The following FGF12 variants were observed in gnomAD, a reference collection of about 807,000 sequenced individuals.
The protein encoded by FGF12 is fibroblast growth factor 12, also known as fibroblast growth factor 12B.
FGF12 carries 14 observed loss-of-function variants against 23.6 expected under a neutral mutation model. That is an observed-to-expected ratio of 0.59 (90% CI 0.39 to 0.93). FGF12 has a LOEUF of 0.93. Ranked by LOEUF, FGF12 falls within the 40% of genes least tolerant of loss-of-function variation. FGF12 has a pLI of 0.00. For synonymous variants in FGF12, 62 were observed against 77.3 expected (o/e 0.80, Z 1.04); for missense variants, 175 against 217.8 (o/e 0.80, Z 1.24).
In FGF12 at chr3:192,727,307, C is replaced by T; in HGVS notation, c.-114G>A. On this transcript the variant is annotated 5_prime_UTR_variant, in exon 2 of 6. Coordinates refer to ENST00000445105, the MANE Select transcript of FGF12 (RefSeq NM_004113.6). Reference sequence around the variant, plus strand: ...CTGATGATTTCGCCCGTACTTCCTTCCTTCCCCTCAGGCTTCCTGAAAGAT... The same window carrying T: ...CTGATGATTTCGCCCGTACTTCCTTTCTTCCCCTCAGGCTTCCTGAAAGAT... 14 of 1,551,428 alleles carry T rather than the reference C, an allele frequency of 9.0e-6. No homozygotes were observed. The highest frequency in any genetic ancestry group is 1.7e-4 in the Middle Eastern group (1 of 5,994).
rs562297442 is a variant in FGF12 at position 192,142,293 on chromosome 3, A to G, written c.*1716T>C. Reference sequence around the variant, plus strand: ...AATAATGATTGTGTAAAGTGAGGGAAACTATATTGACCTTGAAATACGGCA... The same window carrying G: ...AATAATGATTGTGTAAAGTGAGGGAGACTATATTGACCTTGAAATACGGCA... On this transcript the variant is annotated 3_prime_UTR_variant, in exon 6 of 6. Coordinates refer to ENST00000445105, the MANE Select transcript of FGF12 (RefSeq NM_004113.6). 7 of 152,614 alleles carry G rather than the reference A, an allele frequency of 4.6e-5. No individual in the cohort carries two copies. In the East Asian group the frequency reaches 1.4e-3, roughly 29 times the overall value. 9.5% of individuals were successfully genotyped at this position (152,614 alleles called of 1,614,324 possible).
chr3:192,438,537 C>T (rs550276489), intron 2 of FGF12, among the ~76,000 whole-genome samples: 10 of 152,280 alleles, frequency 6.6e-5, no homozygotes, highest in Admixed American at 2.0e-4. Flanking sequence ...TCCTGCTCTT[C>T]GTATTTCCTG....
intron 2 of FGF12, among the ~76,000 whole-genome samples, chr3:192,578,598 A>G (rs1713009588): frequency 6.6e-6 from 1 of 152,216 alleles, no homozygotes; most frequent in South Asian, 2.1e-4. Context: ...ACCTAACCTC[A>G]GAGACACCCA....
At chr3:192,398,847 A>C (rs545880191) in intron 2 of FGF12, among the ~76,000 whole-genome samples, 1 of 152,284 alleles carries the variant, frequency 6.6e-6, no homozygotes, top group South Asian at 2.1e-4. Context: ...GGACCTCAGC[A>C]TCCTTAGGTG....
At chr3:192,494,707 C>A (rs1723895377) in intron 2 of FGF12, among the ~76,000 whole-genome samples, 1 of 152,036 alleles carries the variant, frequency 6.6e-6, no homozygotes, top group South Asian at 2.1e-4. Context: ...CATTCTATTC[C>A]TTCTCTCATT....
intron 2 of FGF12, among the ~76,000 whole-genome samples, chr3:192,670,069 C>G (rs1452343894): frequency 6.6e-6 from 1 of 152,144 alleles, no homozygotes; most frequent in Non-Finnish European, 1.5e-5. Flanking sequence ...AAATATTCCT[C>G]CATTTTCCAA....
chr3:192,479,854 C>A (rs1213857299), intron 2 of FGF12, among the ~76,000 whole-genome samples: 1 of 152,038 alleles, frequency 6.6e-6, no homozygotes, highest in Non-Finnish European at 1.5e-5. Context: ...AATAAGATTA[C>A]AGGTAATGAA....
In FGF12 at chr3:192,139,665, A is replaced by C. The variant is rs1183255509; in HGVS notation, c.*4344T>G. On this transcript the variant is annotated 3_prime_UTR_variant, in exon 6 of 6. Transcript: ENST00000445105. ...CAACTAATAGAACATTTAATGATGC[A>C]ATTTTTATTACATTATTTTAAGGCT... is the stretch of plus-strand genomic sequence containing the variant. The C allele has an allele frequency of 2.0e-5, 3 of 152,118 alleles. No individual in the cohort carries two copies. The highest frequency in any genetic ancestry group is 1.3e-4 in the Admixed American group (2 of 15,274). 9.4% of individuals were successfully genotyped at this position (152,118 alleles called of 1,614,324 possible). A position where few individuals can be genotyped will look rare whatever the true frequency, so the allele number is the denominator to read the frequency against.
At chr3:192,428,614 C>T (rs995532601) in intron 2 of FGF12, among the ~76,000 whole-genome samples, 4 of 152,106 alleles carry the variant, frequency 2.6e-5, no homozygotes, top group African/African-American at 7.2e-5. Flanking sequence ...GGCAATGCTT[C>T]GGAAGATGGT....
At chr3:192,552,711 T>G (rs1711580076) in intron 2 of FGF12, among the ~76,000 whole-genome samples, 1 of 151,948 alleles carries the variant, frequency 6.6e-6, no homozygotes, top group African/African-American at 2.4e-5. Context: ...GCCAACATGG[T>G]GAAATCCCAT....
At chr3:192,714,881 G>C (rs13090601) in intron 2 of FGF12, among the ~76,000 whole-genome samples, 4 of 152,128 alleles carry the variant, frequency 2.6e-5, no homozygotes, top group Admixed American at 6.5e-5. Flanking sequence ...CTTTACCCTA[G>C]AATACTAGTC....
intron 5 of FGF12, among the ~76,000 whole-genome samples, chr3:192,160,678 C>T (rs1227185315): frequency 2.6e-5 from 4 of 152,030 alleles, no homozygotes; most frequent in Non-Finnish European, 5.9e-5. Context: ...TCCTTGAGTA[C>T]TAACTGTGTC....
chr3:192,445,190 G>A (rs1044161631), intron 2 of FGF12, among the ~76,000 whole-genome samples: 1 of 152,186 alleles, frequency 6.6e-6, no homozygotes, highest in South Asian at 2.1e-4. Context: ...AGAGGAGTGT[G>A]ATTTATAGAC....
chr3:192,681,339 T>C (rs549907923), intron 2 of FGF12, among the ~76,000 whole-genome samples: 118 of 152,288 alleles, frequency 7.7e-4, no homozygotes, highest in East Asian at 2.7e-3. Context: ...TGAGTGCCTA[T>C]GTAGATTGTG....
At chr3:192,197,413 G>T (rs762359772) in intron 4 of FGF12, among the ~76,000 whole-genome samples, 1 of 152,058 alleles carries the variant, frequency 6.6e-6, no homozygotes, top group Non-Finnish European at 1.5e-5. Context: ...AATTTTGAAG[G>T]TAACGACATT....
chr3:192,573,667 A>G (rs1465908583), intron 2 of FGF12, among the ~76,000 whole-genome samples: 1 of 152,084 alleles, frequency 6.6e-6, no homozygotes, highest in Non-Finnish European at 1.5e-5. Flanking sequence ...AAAATCTCCT[A>G]TTGGTTCCAA....
At chr3:192,220,303 A>T (rs1415325388) in intron 4 of FGF12, among the ~76,000 whole-genome samples, 1 of 152,136 alleles carries the variant, frequency 6.6e-6, no homozygotes, top group African/African-American at 2.4e-5. Flanking sequence ...GCATTTCTAC[A>T]CTTCTCCTTC....
At chr3:192,252,462 CAAAAAAAAAAAAAAAAAAA>C (rs56920518) in intron 4 of FGF12, among the ~76,000 whole-genome samples, 4 of 27,494 alleles carry the variant, frequency 1.5e-4, no homozygotes, top group African/African-American at 2.6e-4. Context: ...GAATCTGTCT[CAAAAAAAAAAAAAAAAAAA>C]AAAAAAAAAA....
At chr3:192,218,320 T>C (rs905180299) in intron 4 of FGF12, among the ~76,000 whole-genome samples, 4 of 152,220 alleles carry the variant, frequency 2.6e-5, no homozygotes, top group Non-Finnish European at 4.4e-5. Flanking sequence ...ATATGTGATA[T>C]GGCTTAGATC....
Sources: allele counts gnomAD v4.1 joint callset (sites outside exome capture counted in the v4.1 genomes callset), GRCh38; gene constraint gnomAD v4.1.1; transcripts MANE v1.5; gene names NCBI Gene and HGNC (gene_info 2026-07-23, HGNC 2026-07-21).